The following DAB1 variants were observed in gnomAD, a reference collection of about 807,000 sequenced individuals.
The protein encoded by DAB1 is DAB adaptor protein 1.
DAB1 carries 15 observed loss-of-function variants against 64.6 expected under a neutral mutation model. The observed-to-expected ratio is 0.23, with a 90% CI of 0.16 to 0.36. DAB1 has a LOEUF of 0.36. DAB1 is among the 10% of genes least tolerant of loss of function. The probability of loss-of-function intolerance (pLI) is 1.00; values close to 1 mark genes in which losing one functional copy is unlikely to be tolerated. For synonymous variants in DAB1, 235 were observed against 251.9 expected (o/e 0.93, Z 0.64); for missense variants, 596 against 706.7 (o/e 0.84, Z 1.78).
chr1:58,396,426 G>A (rs1161129997), intron 3 of DAB1, among the ~76,000 whole-genome samples: 2 of 152,064 alleles, frequency 1.3e-5, no homozygotes, highest in Non-Finnish European at 2.9e-5. Flanking sequence ...ATCCTGCCCA[G>A]TGATCTCTGC....
At chr1:58,209,402 T>C (rs1658440274) in intron 4 of DAB1, among the ~76,000 whole-genome samples, 1 of 152,192 alleles carries the variant, frequency 6.6e-6, no homozygotes, top group African/African-American at 2.4e-5. Flanking sequence ...AAACATTTTG[T>C]TATCACATGC....
intron 4 of DAB1, among the ~76,000 whole-genome samples, chr1:58,169,067 G>A (rs982346675): frequency 6.6e-6 from 1 of 152,188 alleles, no homozygotes; most frequent in Non-Finnish European, 1.5e-5. Context: ...ACGTTGATGA[G>A]TGCAACTATT....
intron 5 of DAB1, among the ~76,000 whole-genome samples, chr1:58,143,569 G>A (rs1570411106): frequency 6.6e-6 from 1 of 152,152 alleles, no homozygotes; most frequent in Admixed American, 6.5e-5. Flanking sequence ...TTTGAGGATG[G>A]AGGCTACCAC....
intron 4 of DAB1, among the ~76,000 whole-genome samples, chr1:57,108,981 T>G (rs1655413147): frequency 6.6e-6 from 1 of 152,214 alleles, no homozygotes; most frequent in Non-Finnish European, 1.5e-5. Context: ...TCATCTTTGA[T>G]GTACTGTCAC....
At chr1:58,095,757 T>C (rs1210118698) in intron 5 of DAB1, among the ~76,000 whole-genome samples, 3 of 152,168 alleles carry the variant, frequency 2.0e-5, no homozygotes, top group East Asian at 1.9e-4. Flanking sequence ...AGCTTTTACA[T>C]AGAAGTTGAG....
At chr1:57,965,361 A>G (rs939568377) in intron 5 of DAB1, among the ~76,000 whole-genome samples, 3 of 152,174 alleles carry the variant, frequency 2.0e-5, no homozygotes, top group African/African-American at 7.2e-5. Flanking sequence ...AACAGTCCTG[A>G]GTTCAAGTTG....
At chr1:57,837,311 G>A (rs1652851094) in intron 1 of DAB1, among the ~76,000 whole-genome samples, 1 of 152,080 alleles carries the variant, frequency 6.6e-6, no homozygotes, top group Non-Finnish European at 1.5e-5. Context: ...CTTTTTGCTA[G>A]TGAAACATCT....
At chr1:57,831,462 C>A (rs1652584072) in intron 1 of DAB1, among the ~76,000 whole-genome samples, 1 of 151,838 alleles carries the variant, frequency 6.6e-6, no homozygotes, top group Non-Finnish European at 1.5e-5. Context: ...TCTTAGGTAA[C>A]CCCACCAAAT....
At chr1:57,174,252 CATA>C (rs1267517111) in intron 2 of DAB1, among the ~76,000 whole-genome samples, 1 of 152,154 alleles carries the variant, frequency 6.6e-6, no homozygotes, top group Non-Finnish European at 1.5e-5. Context: ...ACAACCATTC[CATA>C]ATATCTGCTC....
At chr1:57,941,888 G>A (rs1645111526) in intron 5 of DAB1, among the ~76,000 whole-genome samples, 1 of 152,132 alleles carries the variant, frequency 6.6e-6, no homozygotes, top group South Asian at 2.1e-4. Context: ...GTACTAATAA[G>A]TTTGGAAAAC....
At chr1:57,824,249 A>C (rs937652019), downstream of DAB1, among the ~76,000 whole-genome samples, 15 of 152,152 alleles carry the variant, frequency 9.9e-5, no homozygotes, top group African/African-American at 3.6e-4. Flanking sequence ...CAGCGTCCAT[A>C]GCATTTGCTC....
chr1:58,120,816 A>C (rs1260647387), intron 5 of DAB1, among the ~76,000 whole-genome samples: 1 of 152,192 alleles, frequency 6.6e-6, no homozygotes, highest in Non-Finnish European at 1.5e-5. Flanking sequence ...ACAAGAAGCA[A>C]TGGAAGAGGG....
intron 2 of DAB1, among the ~76,000 whole-genome samples, chr1:58,521,509 A>T (rs1646264163): frequency 6.6e-6 from 1 of 152,088 alleles, no homozygotes; most frequent in South Asian, 2.1e-4. Flanking sequence ...TTTTGAAAAG[A>T]TTGATGAAAG....
intron 2 of DAB1, 98 bp downstream of exon 2, chr1:57,290,866 G>T: frequency 1.6e-6 from 1 of 632,400 alleles, no homozygotes; most frequent in South Asian, 2.4e-5. Flanking sequence ...AAAAATATAT[G>T]CAATCATAAA....
chr1:57,092,661 G>T (rs910581070), intron 4 of DAB1, among the ~76,000 whole-genome samples: 4 of 126,720 alleles, frequency 3.2e-5, no homozygotes, highest in Admixed American at 9.2e-5. Flanking sequence ...ACAAACAGTG[G>T]TCTGGCGGGG....
At chr1:57,186,132 A>G (rs947454106) in intron 2 of DAB1, among the ~76,000 whole-genome samples, 7 of 152,174 alleles carry the variant, frequency 4.6e-5, no homozygotes, top group African/African-American at 1.4e-4. Flanking sequence ...TACGTGTTCT[A>G]TGTAAGTTTA....
At chr1:57,435,046 C>CTTTTTTTTTTTTTTTTTTT (rs71580850) in intron 7 of DAB1, among the ~76,000 whole-genome samples, 21 of 93,064 alleles carry the variant, frequency 2.3e-4, no homozygotes, top group Non-Finnish European at 3.2e-4. Flanking sequence ...TTCTTTTTTT[C>CTTTTTTTTTTTTTTTTTTT]TTTTTTTTTT....
downstream of DAB1, among the ~76,000 whole-genome samples, chr1:57,822,372 T>G (rs955661939): frequency 6.6e-6 from 1 of 152,042 alleles, no homozygotes; most frequent in Admixed American, 6.6e-5. Context: ...TGGACAGAGC[T>G]GAGATCCTTG....
chr1:57,433,119 G>C lies in DAB1; in HGVS notation n.626-141953C>G, dbSNP rs181183938. The stretch of plus-strand genomic sequence containing the variant: ...TGTTCATGGTTTGAAAAACATTATT[G>C]ATTAGATGTCACTTCTCCCAAACTG... On this transcript the variant is annotated intron_variant and non_coding_transcript_variant, in intron 7 of 20. Transcript: ENST00000485760. 7.0e-4 allele frequency among the ~76,000 whole-genome samples: 106 copies of C among 152,218 alleles called. 2 individuals are homozygous for C. Among genetic ancestry groups the C allele is most frequent in the Admixed American group, 6.9e-3 (106 of 15,284 alleles).
Sources: gnomAD v4.1 joint callset for allele counts (sites outside exome capture counted in the v4.1 genomes callset) on GRCh38, gnomAD v4.1.1 for gene constraint, MANE v1.5 for transcripts, NCBI Gene and HGNC (gene_info 2026-07-23, HGNC 2026-07-21) for gene names.